The following OSBPL10 variants were observed in gnomAD, a reference collection of about 807,000 sequenced individuals.
The protein encoded by OSBPL10 is oxysterol binding protein like 10, also known as oxysterol-binding protein-related protein 10.
A neutral mutation model predicts 81.7 loss-of-function variants in OSBPL10; 49 were observed. That is an observed-to-expected ratio of 0.60 (90% CI 0.48 to 0.76). The LOEUF is 0.76. OSBPL10 is among the 30% of genes least tolerant of loss of function. The pLI is 0.00. For missense variants in OSBPL10, 923 were observed against 987.8 expected (o/e 0.93, Z 0.88); for synonymous variants, 419 against 383.6 (o/e 1.09, Z -1.08).
At chr3:31,838,838 ATGG>A (rs1700426792) in intron 3 of OSBPL10, among the ~76,000 whole-genome samples, 4 of 152,262 alleles carry the variant, frequency 2.6e-5, no homozygotes, top group African/African-American at 9.6e-5. Flanking sequence ...AATTGTTTAT[ATGG>A]TTTTTAATTA....
chr3:31,689,412 C>T (rs1446030539), intron 7 of OSBPL10, among the ~76,000 whole-genome samples: 1 of 152,126 alleles, frequency 6.6e-6, no homozygotes, highest in Non-Finnish European at 1.5e-5. Flanking sequence ...CAATGTGACA[C>T]ATGTATACTA....
chr3:32,074,904 C>G (rs1699861236), intron 1 of OSBPL10, among the ~76,000 whole-genome samples: 1 of 152,220 alleles, frequency 6.6e-6, no homozygotes, highest in Non-Finnish European at 1.5e-5. Context: ...CTACATGTGC[C>G]TACCTGCCAA....
chr3:32,069,415 G>A (rs546404781), intron 1 of OSBPL10, among the ~76,000 whole-genome samples: 1 of 152,126 alleles, frequency 6.6e-6, no homozygotes, highest in African/African-American at 2.4e-5. Flanking sequence ...GAGATTACAT[G>A]GTTTCCTGCC....
At chr3:31,945,666 G>A (rs550991499) in intron 1 of OSBPL10, among the ~76,000 whole-genome samples, 1 of 152,262 alleles carries the variant, frequency 6.6e-6, no homozygotes, top group Admixed American at 6.5e-5. Context: ...TGCACTCTCA[G>A]GTCTCCATGC....
At chr3:32,014,680 T>G (rs922859969) in intron 2 of OSBPL10, among the ~76,000 whole-genome samples, 6 of 152,204 alleles carry the variant, frequency 3.9e-5, no homozygotes, top group Non-Finnish European at 8.8e-5. Flanking sequence ...ATGACATGAC[T>G]GTATATCTAG....
chr3:32,037,785 CG>C (rs1699534358), intron 2 of OSBPL10: 1 of 155,438 alleles, frequency 6.4e-6, no homozygotes, highest in African/African-American at 2.4e-5. Flanking sequence ...TCCTCTGCAG[CG>C]GAGGGAGAGA....
rs529887732 is a variant in OSBPL10 at position 31,717,700 on chromosome 3, AAAG to A, written c.1096-15195_1096-15193del. Among the ~76,000 whole-genome samples the A allele has an allele frequency of 7.2e-5, 11 of 152,330 alleles. No individual in the cohort carries two copies. The East Asian group carries it at 2.1e-3, about 29-fold the overall frequency. On this transcript the variant is annotated intron_variant, in intron 6 of 11. Transcript: ENST00000396556. ...CTAGCCACAGTGACACAGGATATTA[AAAG>A]AAGGTTTCCCTGTACTTTTACTCAA...
At chr3:31,767,119 T>C (rs1314600006) in intron 4 of OSBPL10, among the ~76,000 whole-genome samples, 1 of 152,238 alleles carries the variant, frequency 6.6e-6, no homozygotes, top group Non-Finnish European at 1.5e-5. Context: ...AGGGCTATAC[T>C]TTCATTAACT....
At chr3:31,964,850 C>T (rs919504444) in intron 1 of OSBPL10, among the ~76,000 whole-genome samples, 5 of 152,050 alleles carry the variant, frequency 3.3e-5, no homozygotes, top group Non-Finnish European at 5.9e-5. Context: ...CACACAAATT[C>T]AGGGGAAAAT....
At chr3:31,890,041 C>A (rs1430231779) in intron 1 of OSBPL10, among the ~76,000 whole-genome samples, 1 of 151,964 alleles carries the variant, frequency 6.6e-6, no homozygotes, top group East Asian at 1.9e-4. Flanking sequence ...TCTCAACCTA[C>A]ACCTAGAGGA....
intron 1 of OSBPL10, among the ~76,000 whole-genome samples, chr3:31,942,054 C>T (rs1166474841): frequency 1.3e-5 from 2 of 152,038 alleles, no homozygotes; most frequent in Admixed American, 6.6e-5. Context: ...GCGGGTGGAT[C>T]ACGAGGTCAG....
intron 4 of OSBPL10, among the ~76,000 whole-genome samples, chr3:31,825,195 G>A (rs1575568693): frequency 6.6e-6 from 1 of 152,152 alleles, no homozygotes; most frequent in East Asian, 1.9e-4. Context: ...TTCCTATTTA[G>A]GAAGGTGGTT....
intron 4 of OSBPL10, among the ~76,000 whole-genome samples, chr3:31,762,079 G>A (rs574346698): frequency 1.3e-5 from 2 of 152,212 alleles, no homozygotes; most frequent in African/African-American, 2.4e-5. Context: ...TTCCCTCATA[G>A]TGCCAGAGAA....
Position 31,677,729 on chromosome 3 carries a change from T to C in OSBPL10, c.1726+5905A>G, listed in dbSNP as rs956711230. The stretch of plus-strand genomic sequence containing the variant: ...CCTATGAGAAACAGAGGAGCTATGA[T>C]CCTGAGACCTCACAGGCCTACCCTG... On this transcript the variant is annotated intron_variant, in intron 8 of 11. Coordinates refer to ENST00000396556, the MANE Select transcript of OSBPL10 (RefSeq NM_017784.5). Among the ~76,000 whole-genome samples, 6 of 152,178 alleles carry C rather than the reference T, an allele frequency of 3.9e-5. No individual in the cohort carries two copies. In the East Asian group the frequency reaches 9.7e-4, roughly 25 times the overall value.
rs370210933 is a variant in OSBPL10 at position 31,934,304 on chromosome 3, C to CA, written c.281+46594dup. ...TGGCCCATTTAAAAAACAACAACAA[C>CA]AAAAAAAAAGGAAGCAAAAACTTCA... is the stretch of plus-strand genomic sequence containing the variant. On this transcript the variant is annotated intron_variant, in intron 1 of 11. Coordinates refer to ENST00000396556, the MANE Select transcript of OSBPL10 (RefSeq NM_017784.5). Among the ~76,000 whole-genome samples the CA allele has an allele frequency of 6.3e-3, 886 of 139,702 alleles. 8 individuals carry two copies. Among genetic ancestry groups the CA allele is most frequent in the African/African-American group, 0.018 (664 of 37,744 alleles). 91.6% of individuals were successfully genotyped at this position (139,702 alleles called of 152,430 possible). A position where few individuals can be genotyped will look rare whatever the true frequency, so the allele number is the denominator to read the frequency against.
intron 1 of OSBPL10, among the ~76,000 whole-genome samples, chr3:32,056,639 T>C (rs1232303399): frequency 2.6e-5 from 4 of 152,216 alleles, no homozygotes; most frequent in Admixed American, 2.0e-4. Context: ...GAGACCCTGA[T>C]ACTTAGGCAG....
Position 31,684,167 on chromosome 3 carries a change from C to A in OSBPL10, c.1246-53G>T, listed in dbSNP as rs992992959. 6 of 1,585,398 alleles carry A rather than the reference C, an allele frequency of 3.8e-6. No individual in the cohort carries two copies. The Admixed American group carries it at 1.0e-4, about 28-fold the overall frequency. On this transcript the variant is annotated intron_variant, in intron 7 of 11. Coordinates refer to ENST00000396556, the MANE Select transcript of OSBPL10 (RefSeq NM_017784.5). ...CAATCCCTGGGATTACACGGAAAAG[C>A]TGAAAAGAAAGGTAAAGGCTGCAAC...
intron 2 of OSBPL10, among the ~76,000 whole-genome samples, chr3:32,031,795 T>G (rs914226334): frequency 1.8e-5 from 1 of 56,532 alleles, no homozygotes; most frequent in Non-Finnish European, 4.5e-5. Context: ...AAAATTCTGA[T>G]GTTAGTACTT....
At chr3:31,989,266 G>C in intron 2 of OSBPL10, 1 of 1,614,176 alleles carries the variant, frequency 6.2e-7, no homozygotes, top group Non-Finnish European at 8.5e-7. Flanking sequence ...CCTGCATTCT[G>C]TGGATATCTC....
Sources: allele counts gnomAD v4.1 joint callset (sites outside exome capture counted in the v4.1 genomes callset), GRCh38; gene constraint gnomAD v4.1.1; transcripts MANE v1.5; gene names NCBI Gene and HGNC (gene_info 2026-07-23, HGNC 2026-07-21).